IGFBP7: variants seen among roughly 807,000 people sequenced by gnomAD.
IGFBP7 encodes insulin like growth factor binding protein 7.
IGFBP7 carries 31 observed loss-of-function variants against 29.4 expected under a neutral mutation model. The observed-to-expected ratio is 1.05, with a 90% CI of 0.79 to 1.42. The LOEUF is 1.42. IGFBP7 is among the 40% of genes most tolerant of loss of function. IGFBP7 has a pLI of 0.00. For missense variants in IGFBP7, 393 were observed against 395.5 expected, an observed-to-expected ratio of 0.99 and a Z score of 0.05; for synonymous variants, 172 against 174.9, an observed-to-expected ratio of 0.98 and a Z score of 0.13.
At chr4:57,057,870 G>C (rs1192477314) in intron 1 of IGFBP7, among the ~76,000 whole-genome samples, 2 of 152,190 alleles carry the variant, frequency 1.3e-5, no homozygotes, top group African/African-American at 2.4e-5. Context: ...AAGGGTTATG[G>C]TCTGAGCCAG....
chr4:57,077,337 A>G (rs1052800363), intron 1 of IGFBP7, among the ~76,000 whole-genome samples: 8 of 152,038 alleles, frequency 5.3e-5, no homozygotes, highest in African/African-American at 1.9e-4. Context: ...GGATGTAGTG[A>G]TGTGATCTCG....
chr4:57,036,283 T>A (rs1431348948), intron 2 of IGFBP7, among the ~76,000 whole-genome samples: 2 of 152,092 alleles, frequency 1.3e-5, no homozygotes, highest in African/African-American at 2.4e-5. Flanking sequence ...GCAGTTCACA[T>A]TGGTTACCTC....
Position 57,032,561 on chromosome 4 carries a change from GA to G in IGFBP7, c.703-10del, listed in dbSNP as rs1553912928. On this transcript the variant is annotated splice_polypyrimidine_tract_variant and intron_variant, in intron 3 of 4. Coordinates refer to ENST00000295666, the MANE Select transcript of IGFBP7 (RefSeq NM_001553.3). Reference sequence around the variant, plus strand: ...TTACTTAGAGGAGATACCTGTGAAAGAAAAAAGATCTAGTATTCCTCTGTGG... The same window carrying G: ...TTACTTAGAGGAGATACCTGTGAAAGAAAAAGATCTAGTATTCCTCTGTGG... 2 of 1,604,320 alleles carry G rather than the reference GA, an allele frequency of 1.2e-6. No homozygotes were observed. Among genetic ancestry groups the G allele is most frequent in the South Asian group, 1.1e-5 (1 of 90,894 alleles).
chr4:57,080,459 A>G (rs1035146051), intron 1 of IGFBP7, among the ~76,000 whole-genome samples: 1 of 152,144 alleles, frequency 6.6e-6, no homozygotes, highest in African/African-American at 2.4e-5. Context: ...GGGTTTTCCT[A>G]AAGTTGGTAT....
At chr4:57,081,433 G>A (rs914429441) in intron 1 of IGFBP7, among the ~76,000 whole-genome samples, 1 of 152,086 alleles carries the variant, frequency 6.6e-6, no homozygotes, top group Non-Finnish European at 1.5e-5. Flanking sequence ...CCCTCAGAAA[G>A]GAAAACATTC....
At chr4:57,041,063 A>G (rs1362674582) in intron 1 of IGFBP7, 130 bp from the exon 2 acceptor site, 4 of 696,622 alleles carry the variant, frequency 5.7e-6, no homozygotes, top group Non-Finnish European at 1.0e-5. Flanking sequence ...GCAAATTTCA[A>G]AGACCACACT....
chr4:57,091,851 G>A (rs1008189123), intron 1 of IGFBP7, among the ~76,000 whole-genome samples: 1 of 152,196 alleles, frequency 6.6e-6, no homozygotes, highest in African/African-American at 2.4e-5. Context: ...GGCACGTGTG[G>A]TAAAAATGTT....
chr4:57,062,015 G>A (rs1160741243), intron 1 of IGFBP7, among the ~76,000 whole-genome samples: 3 of 152,038 alleles, frequency 2.0e-5, no homozygotes, highest in African/African-American at 7.2e-5. Flanking sequence ...TAGCAATCTT[G>A]TGAGAGAAGC....
At chr4:57,072,784 G>C in intron 1 of IGFBP7, 1 of 538,716 alleles carries the variant, frequency 1.9e-6, no homozygotes. Flanking sequence ...AATGGGTGGG[G>C]ACCATCCATT....
At chr4:57,036,991 C>G (rs149787308) in intron 2 of IGFBP7, among the ~76,000 whole-genome samples, 113 of 152,316 alleles carry the variant, frequency 7.4e-4, no homozygotes, top group Non-Finnish European at 1.3e-3. Flanking sequence ...AGGTCAGTGA[C>G]TTCCCAAGTT....
chr4:57,046,265 C>G (rs1355987203), intron 1 of IGFBP7, among the ~76,000 whole-genome samples: 1 of 152,118 alleles, frequency 6.6e-6, no homozygotes, highest in Non-Finnish European at 1.5e-5. Context: ...CATTGATCAG[C>G]AATTTCACTG....
intron 4 of IGFBP7, 31 bp from the exon 5 acceptor site, chr4:57,031,367 G>A (rs780387510): frequency 3.9e-6 from 6 of 1,547,624 alleles, no homozygotes; most frequent in Non-Finnish European, 5.3e-6. Context: ...ATAAAAATTA[G>A]TTACATATGG....
chr4:57,052,115 C>A (rs1265139242), intron 1 of IGFBP7, among the ~76,000 whole-genome samples: 1 of 152,102 alleles, frequency 6.6e-6, no homozygotes, highest in African/African-American at 2.4e-5. Context: ...GAGGTCTCCG[C>A]ATCAGGATGG....
At chr4:57,055,371 A>G (rs1425056776) in intron 1 of IGFBP7, among the ~76,000 whole-genome samples, 1 of 152,162 alleles carries the variant, frequency 6.6e-6, no homozygotes, top group African/African-American at 2.4e-5. Context: ...AGGTAGAAGT[A>G]CTCAATTAAA....
At chr4:57,086,355 G>A (rs11133477) in intron 1 of IGFBP7, among the ~76,000 whole-genome samples, 121,252 of 152,132 alleles carry the variant, frequency 0.8, 48,469 homozygotes, top group East Asian at 0.96. Flanking sequence ...CAGGAGCCCC[G>A]GCTGGGGGTT....
chr4:57,057,036 C>T (rs989312817), intron 1 of IGFBP7, among the ~76,000 whole-genome samples: 3 of 151,970 alleles, frequency 2.0e-5, no homozygotes, highest in Non-Finnish European at 4.4e-5. Context: ...GACAGGCTCT[C>T]ACTCTGTTAT....
intron 1 of IGFBP7, among the ~76,000 whole-genome samples, chr4:57,063,996 G>A (rs373000366): frequency 1.3e-3 from 199 of 152,326 alleles, no homozygotes; most frequent in Middle Eastern, 0.01. Context: ...TGGAGGTTAA[G>A]TGGTCAGATT....
chr4:57,034,773 A>G (rs79958627), intron 2 of IGFBP7, among the ~76,000 whole-genome samples: 72 of 152,222 alleles, frequency 4.7e-4, no homozygotes, highest in African/African-American at 1.6e-3. Flanking sequence ...TAGAAAAAAT[A>G]TCTTGCATGA....
Position 57,092,381 on chromosome 4 carries a change from T to A in IGFBP7, c.475+17496A>T, listed in dbSNP as rs138218687. Reference sequence around the variant, plus strand: ...CATGATCTGAGATAGAAACCATGATTCCTGGTAATATTAGATGCAAACTAG... The same window carrying A: ...CATGATCTGAGATAGAAACCATGATACCTGGTAATATTAGATGCAAACTAG... On this transcript the variant is annotated intron_variant, in intron 1 of 4. Transcript: ENST00000295666. Among the ~76,000 whole-genome samples, 401 of 152,262 alleles carry A rather than the reference T, an allele frequency of 2.6e-3. 1 individual carries two copies. Among genetic ancestry groups the A allele is most frequent in the African/African-American group, 9.0e-3 (375 of 41,558 alleles).
Sources: allele counts gnomAD v4.1 joint callset (sites outside exome capture counted in the v4.1 genomes callset), GRCh38; gene constraint gnomAD v4.1.1; transcripts MANE v1.5; gene names NCBI Gene and HGNC (gene_info 2026-07-23, HGNC 2026-07-21).